AFG2A: variants seen among roughly 807,000 people sequenced by gnomAD.
AFG2A encodes the protein AAA ATPase AFG2A.
the AFG2A span, among the ~76,000 whole-genome samples, chr4:123,085,885 G>T: frequency 6.6e-6 from 1 of 151,154 alleles, no homozygotes; most frequent in Non-Finnish European, 1.5e-5. Context: ...TTGTTTTTCA[G>T]TTGTTACCCT....
the AFG2A span, among the ~76,000 whole-genome samples, chr4:122,940,172 G>T: frequency 6.6e-6 from 1 of 152,008 alleles, no homozygotes; most frequent in African/African-American, 2.4e-5. Context: ...GGGTCAAATG[G>T]TATTTCTAGT....
the AFG2A span, among the ~76,000 whole-genome samples, chr4:123,042,138 T>G: frequency 6.6e-6 from 1 of 152,196 alleles, no homozygotes; most frequent in Non-Finnish European, 1.5e-5. Flanking sequence ...AGCAGCATTG[T>G]GAAGGTAATT....
At chr4:123,150,682 G>T in the AFG2A span, among the ~76,000 whole-genome samples, 4 of 152,138 alleles carry the variant, frequency 2.6e-5, no homozygotes, top group African/African-American at 9.7e-5. Flanking sequence ...TCATGAAAGT[G>T]GCCATACTGC....
chr4:122,985,935 T>C, the AFG2A span, among the ~76,000 whole-genome samples: 3 of 152,054 alleles, frequency 2.0e-5, no homozygotes, highest in Admixed American at 2.0e-4. Flanking sequence ...CTCTTAGCAC[T>C]GCCTTTGCTG....
At chr4:122,980,331 T>C in the AFG2A span, among the ~76,000 whole-genome samples, 10 of 152,226 alleles carry the variant, frequency 6.6e-5, no homozygotes, top group Non-Finnish European at 8.8e-5. Context: ...TTCTTCTTTT[T>C]ATAAGGCCAA....
At chr4:123,036,645 A>C in the AFG2A span, among the ~76,000 whole-genome samples, 1,120 of 152,278 alleles carry the variant, frequency 7.4e-3, 4 homozygotes, top group Middle Eastern at 0.071. Flanking sequence ...ATATGTGTAA[A>C]TACACATTTT....
the AFG2A span, among the ~76,000 whole-genome samples, chr4:123,010,401 A>AT: frequency 8.6e-5 from 13 of 151,558 alleles, no homozygotes; most frequent in African/African-American, 3.2e-4. Context: ...GTTTTAATGT[A>AT]TTTTTTTTTC....
the AFG2A span, among the ~76,000 whole-genome samples, chr4:123,120,594 G>A: frequency 6.3e-3 from 964 of 152,176 alleles, 11 homozygotes; most frequent in African/African-American, 0.021. Flanking sequence ...CCATGTTTTG[G>A]TCAACATCAG....
chr4:122,982,053 C>T, the AFG2A span, among the ~76,000 whole-genome samples: 12 of 151,868 alleles, frequency 7.9e-5, no homozygotes, highest in Non-Finnish European at 1.3e-4. Context: ...ATAGAAGTTG[C>T]GAGAGTGAGC....
chr4:122,952,925 A>G, the AFG2A span, among the ~76,000 whole-genome samples: 65,194 of 152,050 alleles, frequency 0.43, 16,917 homozygotes, highest in Non-Finnish European at 0.57. Flanking sequence ...ATGTGCATAC[A>G]TTGGGGGGAC....
chr4:123,164,528 T>C, the AFG2A span, among the ~76,000 whole-genome samples: 7 of 152,280 alleles, frequency 4.6e-5, no homozygotes, highest in South Asian at 1.5e-3. Context: ...CACGCCCAGC[T>C]AATTTTTTAT....
the AFG2A span, among the ~76,000 whole-genome samples, chr4:123,128,503 A>G: frequency 2.0e-5 from 3 of 152,296 alleles, no homozygotes; most frequent in South Asian, 4.1e-4. Context: ...CCCAAGAAGT[A>G]ATTTGGGGAG....
chr4:122,983,246 T>TCA, the AFG2A span, among the ~76,000 whole-genome samples: 1 of 152,174 alleles, frequency 6.6e-6, no homozygotes, highest in African/African-American at 2.4e-5. Context: ...AAACAACTAA[T>TCA]GTTGATCTTT....
At chr4:123,195,363 C>T in the AFG2A span, among the ~76,000 whole-genome samples, 4 of 151,964 alleles carry the variant, frequency 2.6e-5, no homozygotes, top group African/African-American at 9.7e-5. Flanking sequence ...TTCATGAGGT[C>T]AGTATTATTA....
At chr4:123,297,988 G>A in the AFG2A span, among the ~76,000 whole-genome samples, 3 of 151,886 alleles carry the variant, frequency 2.0e-5, no homozygotes, top group African/African-American at 4.8e-5. Flanking sequence ...ACCAACAATC[G>A]GCCTGACTCA....
At chr4:123,001,435 G>A in the AFG2A span, among the ~76,000 whole-genome samples, 1 of 151,362 alleles carries the variant, frequency 6.6e-6, no homozygotes, top group African/African-American at 2.4e-5. Flanking sequence ...TCTCTTGTGG[G>A]CATTTAGTGC....
the AFG2A span, among the ~76,000 whole-genome samples, chr4:123,111,313 A>G: frequency 1.0e-3 from 154 of 152,338 alleles, no homozygotes; most frequent in Non-Finnish European, 1.7e-3. Context: ...TTTTCTGAGT[A>G]GCATAGACCC....
chr4:123,141,428 C>T, the AFG2A span, among the ~76,000 whole-genome samples: 1 of 152,146 alleles, frequency 6.6e-6, no homozygotes, highest in East Asian at 1.9e-4. Flanking sequence ...CCCCACTGCA[C>T]TCTCCAGTCT....
At chr4:123,202,139 T>A in the AFG2A span, among the ~76,000 whole-genome samples, 1 of 152,166 alleles carries the variant, frequency 6.6e-6, no homozygotes, top group African/African-American at 2.4e-5. Flanking sequence ...GTCTTAGTGG[T>A]TTATGCTGGG....
Sources: allele counts gnomAD v4.1 joint callset (sites outside exome capture counted in the v4.1 genomes callset), GRCh38; gene constraint gnomAD v4.1.1; transcripts MANE v1.5; gene names NCBI Gene and HGNC (gene_info 2026-07-23, HGNC 2026-07-21).